Variants in PRSS23 observed in about 807,000 individuals in gnomAD.
The protein encoded by PRSS23 is protease, serine 23.
In PRSS23, 25 loss-of-function variants were observed where a neutral mutation model predicts 34.7. The ratio of observed to expected loss-of-function variants is 0.72; its 90% CI spans 0.53 to 1.01. The LOEUF (loss-of-function observed/expected upper bound fraction) is 1.01. Among genes scored for constraint, PRSS23 ranks in the 50% least tolerant of loss-of-function variants. The pLI, the probability that PRSS23 is intolerant of heterozygous loss-of-function variation, is 0.00. For synonymous variants in PRSS23, 176 were observed against 186.6 expected, an observed-to-expected ratio of 0.94 and a Z score of 0.46; for missense variants, 445 against 475.6, an observed-to-expected ratio of 0.94 and a Z score of 0.60.
At position 86,938,066 on chromosome 11, in the gene PRSS23, C is replaced by T. The variant is rs1340541462; in HGVS notation, c.207-13150C>T. ...ACACTACCTTGAACTAGTTGCCCCA[C>T]TCCTAATTTGCTCCTGTCAAAACAC... On this transcript the variant is annotated intron_variant, in intron 2 of 2. Coordinates refer to the PRSS23 transcript ENST00000533902. Among the ~76,000 whole-genome samples the T allele has an allele frequency of 4.6e-5, 7 of 152,312 alleles. No individual in the cohort carries two copies. The East Asian group carries it at 1.2e-3, about 25-fold the overall frequency.
chr11:86,800,977 G>A (rs1283779861), intron 1 of PRSS23, among the ~76,000 whole-genome samples: 1 of 152,064 alleles, frequency 6.6e-6, no homozygotes, highest in African/African-American at 2.4e-5. Context: ...GCTGTCCTTC[G>A]GCGGGGGCGA....
chr11:86,863,040 G>T (rs1017576764), intron 2 of PRSS23, among the ~76,000 whole-genome samples: 1 of 152,028 alleles, frequency 6.6e-6, no homozygotes, highest in Non-Finnish European at 1.5e-5. Flanking sequence ...CACTGTGGGA[G>T]CACATCCTGT....
intron 2 of PRSS23, chr11:86,832,829 A>C (rs1361413323): frequency 6.6e-6 from 2 of 304,898 alleles, no homozygotes; most frequent in Non-Finnish European, 1.3e-5. Flanking sequence ...TGAGATAGGA[A>C]GAAAACCAAA....
chr11:86,847,227 T>C (rs1008152367), intron 2 of PRSS23, among the ~76,000 whole-genome samples: 83 of 152,302 alleles, frequency 5.4e-4, no homozygotes, highest in African/African-American at 1.4e-3. Flanking sequence ...AGCCTCCTGT[T>C]GCTAATTCAG....
At chr11:86,894,042 C>T (rs539775548) in intron 2 of PRSS23, among the ~76,000 whole-genome samples, 1 of 152,324 alleles carries the variant, frequency 6.6e-6, no homozygotes, top group East Asian at 1.9e-4. Context: ...GAGATGGAAT[C>T]TCACTCTGTC....
intron 2 of PRSS23, among the ~76,000 whole-genome samples, chr11:86,833,854 G>A (rs1565360167): frequency 6.6e-6 from 1 of 152,086 alleles, no homozygotes; most frequent in Non-Finnish European, 1.5e-5. Context: ...GGGGAGGTTG[G>A]CCGACTGACC....
chr11:86,855,791 A>G (rs1483584348), intron 2 of PRSS23, among the ~76,000 whole-genome samples: 3 of 152,022 alleles, frequency 2.0e-5, no homozygotes, highest in Non-Finnish European at 2.9e-5. Context: ...ATGAGCCACC[A>G]CCCCTGGCCA....
At chr11:86,880,679 T>G (rs997424366) in intron 2 of PRSS23, among the ~76,000 whole-genome samples, 4 of 152,130 alleles carry the variant, frequency 2.6e-5, no homozygotes, top group Non-Finnish European at 4.4e-5. Flanking sequence ...CCTGGTGTGT[T>G]GTTCCCCTCC....
At chr11:86,950,570 T>G (rs564834060) in intron 2 of PRSS23, 1 of 166,720 alleles carries the variant, frequency 6.0e-6, no homozygotes, top group Non-Finnish European at 1.3e-5. Context: ...CTAACACCAC[T>G]TCTTGGGAGT....
chr11:86,813,020 T>G (rs887950610), downstream of PRSS23, among the ~76,000 whole-genome samples: 1 of 152,084 alleles, frequency 6.6e-6, no homozygotes, highest in Admixed American at 6.5e-5. Flanking sequence ...CTCAGTGGGC[T>G]CATTTGAAGC....
chr11:86,826,469 T>C (rs1164044125), intron 2 of PRSS23, among the ~76,000 whole-genome samples: 7 of 152,174 alleles, frequency 4.6e-5, no homozygotes, highest in African/African-American at 7.2e-5. Context: ...CTTTTCCTAA[T>C]TGAATACCCT....
intron 1 of PRSS23, among the ~76,000 whole-genome samples, chr11:86,793,064 C>T (rs2135588268): frequency 6.6e-6 from 1 of 152,220 alleles, no homozygotes; most frequent in Admixed American, 6.5e-5. Flanking sequence ...ACCATGTTGC[C>T]CAGGCTAGTC....
At chr11:86,823,601 C>A in intron 2 of PRSS23, 1 of 702,474 alleles carries the variant, frequency 1.4e-6, no homozygotes, top group South Asian at 1.5e-5. Context: ...GAGGTAAGTT[C>A]ATATCAGATT....
At chr11:86,891,219 G>C (rs1024486713) in intron 2 of PRSS23, among the ~76,000 whole-genome samples, 2 of 152,120 alleles carry the variant, frequency 1.3e-5, no homozygotes, top group African/African-American at 4.8e-5. Flanking sequence ...GAATAATTCA[G>C]GTAATGGCAG....
intron 2 of PRSS23, among the ~76,000 whole-genome samples, chr11:86,884,548 C>G (rs563768858): frequency 3.3e-5 from 5 of 152,290 alleles, no homozygotes; most frequent in Admixed American, 2.6e-4. Context: ...GATCTGCCCC[C>G]AACCTGGCCT....
chr11:86,944,846 GGA>G (rs1949230204), intron 2 of PRSS23, among the ~76,000 whole-genome samples: 1 of 152,144 alleles, frequency 6.6e-6, no homozygotes, highest in African/African-American at 2.4e-5. Context: ...CTGCAGATAA[GGA>G]GAGTAGTACT....
At chr11:86,857,365 C>A in intron 2 of PRSS23, 1 of 265,052 alleles carries the variant, frequency 3.8e-6, no homozygotes, top group Non-Finnish European at 7.2e-6. Flanking sequence ...CAAAAGGATC[C>A]CTGAAATGGG....
chr11:86,935,121 TCCCTCTGAAACAAA>T (rs1949152809), intron 2 of PRSS23: 1 of 152,216 alleles, frequency 6.6e-6, no homozygotes, highest in East Asian at 1.9e-4. Flanking sequence ...CAATAACTAA[TCCCTCTGAAACAAA>T]CAGAGAGGAC....
chr11:86,951,563 TA>T, exon 3 of PRSS23: 1 of 1,613,990 alleles, frequency 6.2e-7, no homozygotes, highest in Non-Finnish European at 8.5e-7. Flanking sequence ...AATGACCAAA[TA>T]AGTAAAGAGG....
Sources: allele counts gnomAD v4.1 joint callset (sites outside exome capture counted in the v4.1 genomes callset), GRCh38; gene constraint gnomAD v4.1.1; transcripts MANE v1.5; gene names NCBI Gene and HGNC (gene_info 2026-07-23, HGNC 2026-07-21).